ARHGAP17: variants seen among roughly 807,000 people sequenced by gnomAD.
ARHGAP17 encodes Rho GTPase activating protein 17.
A neutral mutation model predicts 99.5 loss-of-function variants in ARHGAP17; 57 were observed. The ratio of observed to expected loss-of-function variants is 0.57; its 90% CI spans 0.46 to 0.71. The LOEUF is 0.71. Ranked by LOEUF, ARHGAP17 falls within the 30% of genes least tolerant of loss-of-function variation. The probability of loss-of-function intolerance (pLI) is 0.00; values close to 1 mark genes in which losing one functional copy is unlikely to be tolerated. For synonymous variants in ARHGAP17, 417 were observed against 429.6 expected (o/e 0.97, Z 0.36); for missense variants, 1,000 against 1,122.4 (o/e 0.89, Z 1.56).
At chr16:24,957,117 G>A (rs916484205) in intron 9 of ARHGAP17, 1 of 152,456 alleles carries the variant, frequency 6.6e-6, no homozygotes, top group African/African-American at 2.4e-5. Flanking sequence ...AGAGCCTAGG[G>A]CGAAATGGAC....
rs1357956538 is a variant in ARHGAP17, at chr16:24,959,752, A to G, written c.643T>C (p.Leu215=). The part of the protein sequence containing the change: ...EGEYGKFFVT[L]LEAQADYHRK... Reference sequence around the variant, plus strand: ...TGGTAATCTGCTTGGGCTTCTAATAACTGAGAACAGACCCACATTCAAAAA... The same window carrying G: ...TGGTAATCTGCTTGGGCTTCTAATAGCTGAGAACAGACCCACATTCAAAAA... The change falls in exon 9 of 20, where the codon TTA becomes CTA. Residue 215 remains leucine, a splice_region_variant and synonymous_variant. Transcript: ENST00000289968. 6.2e-7 allele frequency: 1 copy of G among 1,614,072 alleles called. No homozygotes were observed. The highest frequency in any genetic ancestry group is 1.7e-5 in the Admixed American group (1 of 60,004).
At chr16:24,925,515 C>T (rs2050817088) in intron 19 of ARHGAP17, among the ~76,000 whole-genome samples, 1 of 152,174 alleles carries the variant, frequency 6.6e-6, no homozygotes, top group African/African-American at 2.4e-5. Context: ...CTATTAGAGA[C>T]TCTGAGTCAA....
At chr16:24,957,527 T>C (rs1258858753) in intron 9 of ARHGAP17, 3 of 151,782 alleles carry the variant, frequency 2.0e-5, no homozygotes, top group African/African-American at 7.3e-5. Context: ...CAATGCAGAG[T>C]CCTTACAATG....
chr16:25,012,348 C>T (rs927304251), intron 1 of ARHGAP17, among the ~76,000 whole-genome samples: 3 of 152,164 alleles, frequency 2.0e-5, no homozygotes, highest in Non-Finnish European at 4.4e-5. Flanking sequence ...CAAGTCCCTC[C>T]CCTGGAACCT....
In ARHGAP17 at chr16:24,920,005, C is replaced by G. The variant is rs1023758780; in HGVS notation, c.*125G>C. Reference sequence around the variant, plus strand: ...GCCGTGCAGAAGGCCAGGTCCCGCACAGTGAGGCCCTCCTTTGTCCTCCAC... The same window carrying G: ...GCCGTGCAGAAGGCCAGGTCCCGCAGAGTGAGGCCCTCCTTTGTCCTCCAC... On this transcript the variant is annotated 3_prime_UTR_variant, in exon 20 of 20. Coordinates refer to ENST00000289968, the MANE Select transcript of ARHGAP17 (RefSeq NM_001006634.3). 2 of 1,411,800 alleles carry G rather than the reference C, an allele frequency of 1.4e-6. No individual in the cohort carries two copies. Among genetic ancestry groups the G allele is most frequent in the Non-Finnish European group, 1.9e-6 (2 of 1,035,528 alleles). 87.5% of individuals were successfully genotyped at this position (1,411,800 alleles called of 1,614,324 possible).
rs2052268199 is a variant in ARHGAP17, at chr16:24,968,726, C to T, written c.319G>A (p.Glu107Lys). The change falls in exon 5 of 20, where the codon GAG (glutamate) becomes AAG (lysine). Residue 107 changes from glutamate (E) to lysine (K), a missense_variant. Around this residue, in one of 2 missense-constraint regions of ARHGAP17, gnomAD observed 472 missense variants for 611.1 expected, o/e 0.77. Coordinates refer to ENST00000289968, the MANE Select transcript of ARHGAP17 (RefSeq NM_001006634.3). Reference sequence around the variant, plus strand: ...ACAAAGACTTCGTGCTGGGAGAGCTCGAGAGCCAGCTGATTCTCAGCATCT... The same window carrying T: ...ACAAAGACTTCGTGCTGGGAGAGCTTGAGAGCCAGCTGATTCTCAGCATCT... ...CGDAENQLAL[E>K]LSQHEVFVEK... 3 of 1,614,086 alleles carry T rather than the reference C, an allele frequency of 1.9e-6. No individual in the cohort carries two copies. The highest frequency in any genetic ancestry group is 1.7e-5 in the Admixed American group (1 of 60,004).
chr16:24,963,171 T>C (rs1157324152), intron 7 of ARHGAP17, among the ~76,000 whole-genome samples: 1 of 152,198 alleles, frequency 6.6e-6, no homozygotes, highest in Non-Finnish European at 1.5e-5. Flanking sequence ...CTACAACTCT[T>C]CAGACCACAA....
intron 16 of ARHGAP17, 129 bp from the exon 17 acceptor site, chr16:24,939,726 G>T: frequency 2.0e-6 from 2 of 999,972 alleles, no homozygotes; most frequent in Non-Finnish European, 3.0e-6. Flanking sequence ...CAGTGAAGCG[G>T]CAAGGACCAG....
At chr16:24,992,808 T>C (rs1321977438) in intron 1 of ARHGAP17, among the ~76,000 whole-genome samples, 3 of 152,096 alleles carry the variant, frequency 2.0e-5, no homozygotes, top group African/African-American at 7.2e-5. Flanking sequence ...TCTGTTACCG[T>C]TTATTTATTT....
intron 9 of ARHGAP17, among the ~76,000 whole-genome samples, chr16:24,958,916 C>T (rs1043464202): frequency 1.3e-5 from 2 of 151,970 alleles, no homozygotes; most frequent in Admixed American, 6.6e-5. Context: ...CAAAGACGGC[C>T]GAGCAATTTC....
intron 14 of ARHGAP17, among the ~76,000 whole-genome samples, chr16:24,945,930 G>A (rs149618078): frequency 2.0e-3 from 306 of 152,238 alleles, no homozygotes; most frequent in African/African-American, 7.0e-3. Flanking sequence ...AAGAGTCAGC[G>A]TCCTCATCTG....
chr16:25,012,583 A>C (rs2053671010), intron 1 of ARHGAP17, among the ~76,000 whole-genome samples: 1 of 152,024 alleles, frequency 6.6e-6, no homozygotes, highest in Non-Finnish European at 1.5e-5. Context: ...GGGCCAACCA[A>C]CCACCTACTT....
At chr16:24,984,753 AT>A (rs1197369357) in intron 1 of ARHGAP17, among the ~76,000 whole-genome samples, 1 of 152,212 alleles carries the variant, frequency 6.6e-6, no homozygotes, top group African/African-American at 2.4e-5. Flanking sequence ...ACAAAATCCA[AT>A]AAAACTAGGT....
chr16:25,005,142 G>A (rs753101579), intron 1 of ARHGAP17, among the ~76,000 whole-genome samples: 27 of 152,140 alleles, frequency 1.8e-4, no homozygotes, highest in Non-Finnish European at 2.8e-4. Context: ...TCTCAAACTC[G>A]TGACCTCAGG....
In ARHGAP17 at chr16:24,943,097, C is replaced by T. The variant is rs2051364077; in HGVS notation, c.1333+674G>A. Among the ~76,000 whole-genome samples the T allele has an allele frequency of 2.0e-5, 3 of 152,192 alleles. No individual in the cohort carries two copies. In the South Asian group the frequency reaches 6.2e-4, roughly 32 times the overall value. Reference sequence around the variant, plus strand: ...AGGTGTGGGGGATCCGGAATTCCAACACTTGCCTGGCCAGCATCCCCAAAG... The same window carrying T: ...AGGTGTGGGGGATCCGGAATTCCAATACTTGCCTGGCCAGCATCCCCAAAG... On this transcript the variant is annotated intron_variant, in intron 15 of 19. Coordinates refer to ENST00000289968, the MANE Select transcript of ARHGAP17 (RefSeq NM_001006634.3).
chr16:24,970,474 G>A, intron 4 of ARHGAP17, 33 bp downstream of exon 4: 1 of 1,601,512 alleles, frequency 6.2e-7, no homozygotes, highest in East Asian at 2.2e-5. Context: ...CAATCTACAT[G>A]GCACTTGGCA....
At chr16:25,001,654 A>G (rs1221515428) in intron 1 of ARHGAP17, among the ~76,000 whole-genome samples, 1 of 152,206 alleles carries the variant, frequency 6.6e-6, no homozygotes, top group Non-Finnish European at 1.5e-5. Flanking sequence ...TCCTGGCCTC[A>G]AGCGATCCTC....
chr16:24,945,046 T>C (rs949917048), intron 14 of ARHGAP17, among the ~76,000 whole-genome samples: 1 of 151,028 alleles, frequency 6.6e-6, no homozygotes, highest in African/African-American at 2.4e-5. Flanking sequence ...AAGAAGAAAA[T>C]AAGTAGGCCA....
chr16:24,927,736 A>C lies in ARHGAP17; in HGVS notation c.2515+3048T>G. ...CTGAATATGGCAGGTCATACATCTA[A>C]ATTATTTAATAAAATGTTTAAATTA... On this transcript the variant is annotated intron_variant, in intron 19 of 19. Coordinates refer to ENST00000289968, the MANE Select transcript of ARHGAP17 (RefSeq NM_001006634.3). 3 of 1,160,322 alleles carry C rather than the reference A, an allele frequency of 2.6e-6. No homozygotes were observed. The South Asian group carries it at 4.3e-5, about 17-fold the overall frequency. The allele number at this position is 1,160,322 out of a possible 1,614,324, so 71.9% of individuals were successfully genotyped here.
Sources: allele counts gnomAD v4.1 joint callset (sites outside exome capture counted in the v4.1 genomes callset), GRCh38; gene constraint gnomAD v4.1.1; regional missense constraint gnomAD v4.1.1; transcripts MANE v1.5; gene names NCBI Gene and HGNC (gene_info 2026-07-23, HGNC 2026-07-21).